The following PACS2 variants were observed in gnomAD, a reference collection of about 807,000 sequenced individuals.
The protein encoded by PACS2 is PACS1-like protein.
In PACS2, 36 loss-of-function variants were observed where a neutral mutation model predicts 113.0. That is an observed-to-expected ratio of 0.32 (90% CI 0.24 to 0.42). The LOEUF (loss-of-function observed/expected upper bound fraction) is 0.42, where lower values mean the gene tolerates loss of function less well. Ranked by LOEUF, PACS2 falls within the 10% of genes least tolerant of loss-of-function variation. The pLI, the probability that PACS2 is intolerant of heterozygous loss-of-function variation, is 1.00. For synonymous variants in PACS2, 589 were observed against 536.1 expected, an observed-to-expected ratio of 1.10 and a Z score of -1.36; for missense variants, 1,015 against 1,239.5, an observed-to-expected ratio of 0.82 and a Z score of 2.72.
At chr14:105,388,301 G>C (rs1455168195) in intron 19 of PACS2, among the ~76,000 whole-genome samples, 1 of 152,236 alleles carries the variant, frequency 6.6e-6, no homozygotes, top group African/African-American at 2.4e-5. Flanking sequence ...GACAGGGAAG[G>C]CACCTGCTGG....
At position 105,348,733 on chromosome 14, in the gene PACS2, C is replaced by G. The variant is rs2060037758; in HGVS notation, c.207+153C>G. On this transcript the variant is annotated intron_variant, in intron 2 of 24. Coordinates refer to ENST00000447393, the MANE Select transcript of PACS2 (RefSeq NM_001100913.3). This position sits in a 1 kb window ranked among gnomAD's most constrained non-coding sequence, Gnocchi z 6.4. ...CGGGAGCCCGGGGGGCTGGGAATGA[C>G]AGGATGCTCCTGGGTCCAGTCCTGT... The G allele has an allele frequency of 4.6e-6, 3 of 654,690 alleles. No individual in the cohort carries two copies. The allele number at this position is 654,690 out of a possible 1,614,324, so 40.6% of individuals were successfully genotyped here.
intron 8 of PACS2, 130 bp downstream of exon 8, chr14:105,370,030 A>G (rs997775083): frequency 1.5e-5 from 12 of 796,026 alleles, no homozygotes; most frequent in Middle Eastern, 3.0e-4. Flanking sequence ...CCCCGCCAGC[A>G]TCGCACAGTC....
intron 1 of PACS2, among the ~76,000 whole-genome samples, chr14:105,332,242 T>G (rs2059329932): frequency 6.6e-6 from 1 of 152,214 alleles, no homozygotes; most frequent in Non-Finnish European, 1.5e-5. Context: ...CTGTGCCTGC[T>G]TCTCCTTCCA....
chr14:105,347,894 C>T (rs1400123478), intron 1 of PACS2, among the ~76,000 whole-genome samples: 3 of 151,810 alleles, frequency 2.0e-5, no homozygotes, highest in Non-Finnish European at 4.4e-5. Flanking sequence ...GTAGGGTCTA[C>T]ACCCCTCCAC....
intron 2 of PACS2, among the ~76,000 whole-genome samples, chr14:105,349,522 C>T (rs1409451169): frequency 1.3e-5 from 2 of 152,268 alleles, no homozygotes; most frequent in African/African-American, 2.4e-5. Context: ...CACGGGGTCT[C>T]CGGGTCTCCC....
At chr14:105,321,126 T>C (rs2058868608) in intron 1 of PACS2, among the ~76,000 whole-genome samples, 1 of 152,048 alleles carries the variant, frequency 6.6e-6, no homozygotes, top group South Asian at 2.1e-4. Context: ...GCAAAAACAT[T>C]TTTTTTTGAA....
At chr14:105,335,236 T>C (rs1042732321) in intron 1 of PACS2, among the ~76,000 whole-genome samples, 1 of 152,254 alleles carries the variant, frequency 6.6e-6, no homozygotes, top group Admixed American at 6.5e-5. Context: ...GCTTCCCTGC[T>C]CTGGGGCAGA....
At chr14:105,316,794 G>A (rs889174919) in intron 1 of PACS2, among the ~76,000 whole-genome samples, 2 of 152,122 alleles carry the variant, frequency 1.3e-5, no homozygotes, top group Non-Finnish European at 2.9e-5. Context: ...GCTGGGGGGG[G>A]TCCCGAGCTC....
Position 105,302,943 on chromosome 14 carries a change from C to CT in PACS2, c.-83+1976dup, listed in dbSNP as rs60827892. Among the ~76,000 whole-genome samples, 297 of 146,794 alleles carry CT rather than the reference C, an allele frequency of 2.0e-3. 2 individuals carry two copies. The highest frequency in any genetic ancestry group is 0.01 in the East Asian group (51 of 5,010). On this transcript the variant is annotated intron_variant, in intron 1 of 23. Coordinates refer to the PACS2 transcript ENST00000430725. ...ACTGCTCCCCGCCCTTTCTCTAGTT[C>CT]TTTTTTTTTTTTGAGATAGAGAACA...
At chr14:105,362,277 G>A (rs1177718541) in intron 4 of PACS2, among the ~76,000 whole-genome samples, 2 of 151,544 alleles carry the variant, frequency 1.3e-5, no homozygotes, top group African/African-American at 2.4e-5. Context: ...AATTAGCTGG[G>A]CGTGGTGGCG....
intron 21 of PACS2, 62 bp downstream of exon 21, chr14:105,391,311 C>T: frequency 8.1e-7 from 1 of 1,233,626 alleles, no homozygotes; most frequent in Non-Finnish European, 1.2e-6. Flanking sequence ...GGAGCACGGT[C>T]ATTCGAGTCC....
At chr14:105,320,848 T>C (rs2058858654) in intron 1 of PACS2, among the ~76,000 whole-genome samples, 1 of 152,238 alleles carries the variant, frequency 6.6e-6, no homozygotes, top group Non-Finnish European at 1.5e-5. Flanking sequence ...TTTGGGATAA[T>C]TCACTTATAA....
upstream of PACS2, among the ~76,000 whole-genome samples, chr14:105,310,268 C>A (rs140259121): frequency 6.6e-6 from 1 of 150,864 alleles, no homozygotes; most frequent in East Asian, 2.0e-4. Context: ...CAGTGGCTCA[C>A]GCCTGTAATC....
chr14:105,379,361 G>C (rs934088661), intron 9 of PACS2, among the ~76,000 whole-genome samples: 1 of 152,228 alleles, frequency 6.6e-6, no homozygotes, highest in Non-Finnish European at 1.5e-5. Context: ...AGATCCCAGG[G>C]CTGCCCTCCA....
rs370887853 is a variant in PACS2, at chr14:105,380,942, G to A, written c.1126-15G>A. 13 of 1,603,970 alleles carry A rather than the reference G, an allele frequency of 8.1e-6. No homozygotes were observed. The highest frequency in any genetic ancestry group is 2.2e-5 in the East Asian group (1 of 44,640). On this transcript the variant is annotated splice_polypyrimidine_tract_variant and intron_variant, in intron 11 of 24. Transcript: ENST00000447393. ...GGTTTCCACGGGAGGCTCCAGGCCCGTCTCTGCTCAGCAGGGTGTGCCAGG... is the reference window on the plus strand; with the variant it reads ...GGTTTCCACGGGAGGCTCCAGGCCCATCTCTGCTCAGCAGGGTGTGCCAGG...
At position 105,394,846 on chromosome 14, in the gene PACS2, G is replaced by C. The variant is rs1019673424; in HGVS notation, c.*174G>C. 3.3e-6 allele frequency: 2 copies of C among 604,312 alleles called. No individual in the cohort carries two copies. The highest frequency in any genetic ancestry group is 6.0e-6 in the Non-Finnish European group (2 of 333,666). 37.4% of individuals were successfully genotyped at this position (604,312 alleles called of 1,614,324 possible). A position where few individuals can be genotyped will look rare whatever the true frequency, so the allele number is the denominator to read the frequency against. ...AACGGGGGAGCTCCTGCCAGGAGCC[G>C]AATAACTGCTCTGCTTATTAACCCG... is the stretch of plus-strand genomic sequence containing the variant. On this transcript the variant is annotated 3_prime_UTR_variant, in exon 25 of 25. Coordinates refer to ENST00000447393, the MANE Select transcript of PACS2 (RefSeq NM_001100913.3).
chr14:105,300,928 A>C (rs942336944), exon 1 of PACS2: 2 of 156,802 alleles, frequency 1.3e-5, no homozygotes, highest in African/African-American at 4.8e-5. Flanking sequence ...CCGGCGTCGG[A>C]GGGGCGACCT....
chr14:105,359,732 C>T (rs146450172), intron 4 of PACS2, among the ~76,000 whole-genome samples: 2,097 of 151,720 alleles, frequency 0.014, 52 homozygotes, highest in African/African-American at 0.048. Context: ...GCTGGGACTA[C>T]AGGCGCCCGC....
Position 105,348,493 on chromosome 14 carries a change from G to C in PACS2, c.120G>C (p.Arg40Ser), listed in dbSNP as rs1003413251. 4.3e-6 allele frequency: 7 copies of C among 1,610,722 alleles called. No homozygotes were observed. Among genetic ancestry groups the C allele is most frequent in the Non-Finnish European group, 5.9e-6 (7 of 1,178,736 alleles). ...VDGSSPSCVP[R>S]LCSLTLKKLV... Reference sequence around the variant, plus strand: ...GGCTGAGCTGTGCCTTGCCTCACAGGTTGTGCAGCCTGACTCTGAAGAAGC... The same window carrying C: ...GGCTGAGCTGTGCCTTGCCTCACAGCTTGTGCAGCCTGACTCTGAAGAAGC... The change falls in exon 2 of 25, where the codon AGG (arginine) becomes AGC (serine). Residue 40 changes from arginine to serine, a missense_variant and splice_region_variant. Arg to Ser is a moderately radical substitution (Grantham distance 110, BLOSUM62 -1). This residue lies in a region of PACS2 where 140 missense variants were observed against 135.1 expected (regional missense o/e 1.04). Coordinates refer to ENST00000447393, the MANE Select transcript of PACS2 (RefSeq NM_001100913.3). The surrounding 1 kb of genome is among the most constrained non-coding windows in gnomAD (Gnocchi z 6.4).
Sources: gnomAD v4.1 joint callset for allele counts (sites outside exome capture counted in the v4.1 genomes callset) on GRCh38, gnomAD v4.1.1 for gene constraint, gnomAD v4.1.1 regional missense constraint, Gnocchi (gnomAD v3.1) non-coding constraint, MANE v1.5 for transcripts, NCBI Gene and HGNC (gene_info 2026-07-23, HGNC 2026-07-21) for gene names.